Variants in CNKSR3 observed in about 807,000 individuals in gnomAD.
CNKSR3 encodes connector enhancer of kinase suppressor of ras 3.
CNKSR3 carries 36 observed loss-of-function variants against 67.7 expected under a neutral mutation model. The ratio of observed to expected loss-of-function variants is 0.53; its 90% confidence interval spans 0.41 to 0.70. The LOEUF (loss-of-function observed/expected upper bound fraction) is 0.70, where lower values mean the gene tolerates loss of function less well. CNKSR3 is among the 30% of genes least tolerant of loss of function. The pLI, the probability that CNKSR3 is intolerant of heterozygous loss-of-function variation, is 0.00. For synonymous variants in CNKSR3, 281 were observed against 271.4 expected, an observed-to-expected ratio of 1.04 and a Z score of -0.35; for missense variants, 630 against 695.2, an observed-to-expected ratio of 0.91 and a Z score of 1.05.
At position 154,442,227 on chromosome 6, in the gene CNKSR3, T is replaced by G. The variant is rs1374260922; in HGVS notation, c.280A>C (p.Asn94His). The G allele has an allele frequency of 6.2e-7, 1 of 1,614,172 alleles. No homozygotes were observed. Residue 94 changes from asparagine to histidine, a missense_variant, in exon 3 of 13, where the codon AAT (asparagine) becomes CAT (histidine). Physicochemically the swap from Asn to His is moderately conservative, Grantham distance 68. Around this residue, in one of 3 missense-constraint regions of CNKSR3, gnomAD observed 189 missense variants for 205.0 expected, o/e 0.92. Coordinates refer to ENST00000607772, the MANE Select transcript of CNKSR3 (RefSeq NM_173515.4). ...CGGCTACTTATGTAATTCTGTAAAT[T>G]GTGGGAAGATGCTCTCAGTTTCAGA... Reference protein sequence around the residue: ...LVLKLRASSHNLQNYISSRRK... With the variant: ...LVLKLRASSHHLQNYISSRRK...
intron 1 of CNKSR3, among the ~76,000 whole-genome samples, chr6:154,458,604 C>T (rs528214032): frequency 1.9e-3 from 289 of 152,234 alleles, no homozygotes; most frequent in Non-Finnish European, 3.5e-3. Context: ...TTGCTGCCTA[C>T]TCCCTCCCTA....
At chr6:154,483,681 C>A (rs1341270394) in intron 1 of CNKSR3, among the ~76,000 whole-genome samples, 1 of 152,126 alleles carries the variant, frequency 6.6e-6, no homozygotes, top group African/African-American at 2.4e-5. Context: ...CCTTGTGGAG[C>A]ACCAACAACT....
chr6:154,441,745 AC>A (rs369246218), intron 3 of CNKSR3, among the ~76,000 whole-genome samples: 4,422 of 150,492 alleles, frequency 0.029, 226 homozygotes, highest in African/African-American at 0.1. Flanking sequence ...TAGATTAAAA[AC>A]AAAACAAAAC....
At chr6:154,468,510 T>G (rs1189714641) in intron 1 of CNKSR3, among the ~76,000 whole-genome samples, 1 of 152,024 alleles carries the variant, frequency 6.6e-6, no homozygotes, top group Non-Finnish European at 1.5e-5. Context: ...ATTTTTTCCT[T>G]CTGAAGACAA....
chr6:154,454,140 G>C (rs1225275437), intron 1 of CNKSR3, among the ~76,000 whole-genome samples: 39 of 80,008 alleles, frequency 4.9e-4, no homozygotes, highest in South Asian at 2.4e-3. Flanking sequence ...GAGAGAGAGA[G>C]AGAGATAAGA....
In CNKSR3 at chr6:154,390,361, T is replaced by G. The variant is rs1372228342; in HGVS notation, c.*15993A>C. On this transcript the variant is annotated 3_prime_UTR_variant, in exon 13 of 13. Coordinates refer to ENST00000607772, the MANE Select transcript of CNKSR3 (RefSeq NM_173515.4). Reference sequence around the variant, plus strand: ...AGTTCCTAGTTCCTCCTGCCCTTTATGGACTCTGACAAAAGGCCACACTGC... The same window carrying G: ...AGTTCCTAGTTCCTCCTGCCCTTTAGGGACTCTGACAAAAGGCCACACTGC... 1 of 152,240 alleles carries G rather than the reference T, an allele frequency of 6.6e-6. No individual in the cohort carries two copies. Among genetic ancestry groups the G allele is most frequent in the Non-Finnish European group, 1.5e-5 (1 of 68,078 alleles). The allele number at this position is 152,240 out of a possible 1,614,324, so 9.4% of individuals were successfully genotyped here.
At chr6:154,471,141 C>T (rs1226131074) in intron 1 of CNKSR3, among the ~76,000 whole-genome samples, 2 of 152,186 alleles carry the variant, frequency 1.3e-5, no homozygotes, top group East Asian at 3.8e-4. Context: ...TCAAGTACTA[C>T]CCTCATGATT....
At chr6:154,481,643 T>C (rs1309909575) in intron 1 of CNKSR3, among the ~76,000 whole-genome samples, 1 of 152,232 alleles carries the variant, frequency 6.6e-6, no homozygotes, top group East Asian at 1.9e-4. Context: ...TTATGCTGTA[T>C]GATTTTATGC....
chr6:154,507,015 G>A (rs1248771737), intron 1 of CNKSR3, among the ~76,000 whole-genome samples: 5 of 152,200 alleles, frequency 3.3e-5, no homozygotes, highest in Admixed American at 6.5e-5. Context: ...GCTCTGCTGG[G>A]TGACATCGGT....
chr6:154,392,580 T>A lies in CNKSR3; in HGVS notation c.*13774A>T, dbSNP rs1193169995. 1 of 152,204 alleles carries A rather than the reference T, an allele frequency of 6.6e-6. No homozygotes were observed. The highest frequency in any genetic ancestry group is 2.4e-5 in the African/African-American group (1 of 41,456). The allele number at this position is 152,204 out of a possible 1,614,324, so 9.4% of individuals were successfully genotyped here. ...GAATCCAAAAGAGGGTCCCGAAACC[T>A]TGTGGGGATTGTAAGCTCTATGATG... On this transcript the variant is annotated 3_prime_UTR_variant, in exon 13 of 13. Coordinates refer to ENST00000607772, the MANE Select transcript of CNKSR3 (RefSeq NM_173515.4).
intron 9 of CNKSR3, among the ~76,000 whole-genome samples, chr6:154,417,339 C>G (rs1315391607): frequency 6.6e-6 from 1 of 152,196 alleles, no homozygotes; most frequent in African/African-American, 2.4e-5. Context: ...GAGCTGGGAT[C>G]TGAACTGAAG....
In CNKSR3 at chr6:154,397,726, T is replaced by G. The variant is rs1251356027; in HGVS notation, c.*8628A>C. ...GCAAACAGATGAGTAAAAGCAAATC[T>G]GCGGCCATCACTAGGTGCACAGTGC... is the stretch of plus-strand genomic sequence containing the variant. On this transcript the variant is annotated 3_prime_UTR_variant, in exon 13 of 13. Transcript: ENST00000607772. 1 of 150,392 alleles carries G rather than the reference T, an allele frequency of 6.6e-6. No individual in the cohort carries two copies. The highest frequency in any genetic ancestry group is 1.5e-5 in the Non-Finnish European group (1 of 67,930). 9.3% of individuals were successfully genotyped at this position (150,392 alleles called of 1,614,324 possible).
chr6:154,489,587 TG>T (rs887067908), intron 1 of CNKSR3, among the ~76,000 whole-genome samples: 9 of 152,126 alleles, frequency 5.9e-5, no homozygotes, highest in African/African-American at 2.2e-4. Flanking sequence ...TATTAGCGTA[TG>T]GGTATAAATA....
intron 7 of CNKSR3, among the ~76,000 whole-genome samples, chr6:154,424,999 T>C (rs1785227397): frequency 6.6e-6 from 1 of 152,214 alleles, no homozygotes; most frequent in South Asian, 2.1e-4. Context: ...CTTGAACTCT[T>C]TACCTCAGGT....
chr6:154,465,060 G>A (rs554577866), intron 1 of CNKSR3, among the ~76,000 whole-genome samples: 2 of 146,530 alleles, frequency 1.4e-5, no homozygotes, highest in African/African-American at 5.1e-5. Flanking sequence ...AAAATTGCTT[G>A]AACCTGGGAG....
At chr6:154,462,131 C>T (rs972106470) in intron 1 of CNKSR3, among the ~76,000 whole-genome samples, 3 of 152,172 alleles carry the variant, frequency 2.0e-5, no homozygotes, top group Non-Finnish European at 4.4e-5. Flanking sequence ...AACAATTCAG[C>T]AGGTTTTAGA....
At chr6:154,487,998 ACAAAC>A (rs978483136) in intron 1 of CNKSR3, among the ~76,000 whole-genome samples, 2 of 152,338 alleles carry the variant, frequency 1.3e-5, no homozygotes, top group Admixed American at 1.3e-4. Flanking sequence ...GAAACAAAAA[ACAAAC>A]CAAACAACTC....
At chr6:154,480,059 G>T (rs1214386230) in intron 1 of CNKSR3, among the ~76,000 whole-genome samples, 1 of 152,204 alleles carries the variant, frequency 6.6e-6, no homozygotes, top group African/African-American at 2.4e-5. Context: ...AAACTTTCTC[G>T]TTGTTGGCTG....
intron 1 of CNKSR3, among the ~76,000 whole-genome samples, chr6:154,458,621 C>T (rs988866897): frequency 7.9e-5 from 12 of 152,064 alleles, no homozygotes; most frequent in Non-Finnish European, 1.8e-4. Flanking sequence ...CCTACAGCCC[C>T]GTCCCCAGCT....
Sources: gnomAD v4.1 joint callset for allele counts (sites outside exome capture counted in the v4.1 genomes callset) on GRCh38, gnomAD v4.1.1 for gene constraint, gnomAD v4.1.1 regional missense constraint, MANE v1.5 for transcripts, NCBI Gene and HGNC (gene_info 2026-07-23, HGNC 2026-07-21) for gene names.